The following STYK1 variants were observed in gnomAD, a reference collection of about 807,000 sequenced individuals.
STYK1 encodes tyrosine-protein kinase STYK1.
In STYK1, 46 loss-of-function variants were observed where a neutral mutation model predicts 48.1. The ratio of observed to expected loss-of-function variants is 0.96; its 90% confidence interval spans 0.75 to 1.22. The LOEUF (loss-of-function observed/expected upper bound fraction) is 1.22. Among genes scored for constraint, STYK1 ranks in the 50% most tolerant of loss-of-function variants. The pLI is 0.00. For synonymous variants in STYK1, 188 were observed against 189.0 expected, an observed-to-expected ratio of 0.99 and a Z score of 0.04; for missense variants, 527 against 521.1, an observed-to-expected ratio of 1.01 and a Z score of -0.11.
At chr12:10,652,370 A>G (rs1947671107) in intron 1 of STYK1, among the ~76,000 whole-genome samples, 1 of 152,216 alleles carries the variant, frequency 6.6e-6, no homozygotes, top group Admixed American at 6.5e-5. Flanking sequence ...AATCTGTAAA[A>G]TAACGGGTCA....
In STYK1 at chr12:10,624,759, G is replaced by A. The variant is rs1172518849; in HGVS notation, c.818C>T (p.Ala273Val). Residue 273 changes from alanine (A) to valine (V), a missense_variant, in exon 8 of 11, where the codon GCT becomes GTT. Physicochemically the swap from Ala to Val is moderately conservative, Grantham distance 64. Coordinates refer to ENST00000075503, the MANE Select transcript of STYK1 (RefSeq NM_018423.3). The part of the protein sequence containing the change: ...LTAKLCGLGL[A>V]YEVYTRGAIS... Reference sequence around the variant, plus strand: ...GGCCCCTCGGGTGTAAACTTCATAAGCCAGGCCTAATCCACAGAGCTTAGC... The same window carrying A: ...GGCCCCTCGGGTGTAAACTTCATAAACCAGGCCTAATCCACAGAGCTTAGC... 2.5e-6 allele frequency: 4 copies of A among 1,614,004 alleles called. No homozygotes were observed. The highest frequency in any genetic ancestry group is 1.7e-5 in the Admixed American group (1 of 60,000).
chr12:10,643,754 G>T (rs1278267192), intron 1 of STYK1, among the ~76,000 whole-genome samples: 1 of 152,192 alleles, frequency 6.6e-6, no homozygotes, highest in Admixed American at 6.5e-5. Flanking sequence ...GAATATCCAG[G>T]CCTTGGATGG....
chr12:10,650,597 A>C (rs761081946), intron 1 of STYK1, among the ~76,000 whole-genome samples: 26 of 152,200 alleles, frequency 1.7e-4, no homozygotes, highest in Non-Finnish European at 3.4e-4. Context: ...GCATTAGCAT[A>C]AATGTAGCTA....
intron 9 of STYK1, 79 bp from the exon 10 acceptor site, chr12:10,622,051 G>T (rs140341938): frequency 1.1e-5 from 15 of 1,340,578 alleles, no homozygotes; most frequent in Non-Finnish European, 1.6e-5. Flanking sequence ...CATCCACTTG[G>T]GTTGGTTGCT....
At chr12:10,638,461 C>T (rs1283855381) in intron 1 of STYK1, among the ~76,000 whole-genome samples, 3 of 152,160 alleles carry the variant, frequency 2.0e-5, no homozygotes, top group African/African-American at 7.2e-5. Flanking sequence ...TAAATCTTTA[C>T]AAGACTATAG....
intron 5 of STYK1, 99 bp from the exon 6 acceptor site, chr12:10,629,773 C>T (rs185569795): frequency 1.4e-6 from 2 of 1,395,214 alleles, no homozygotes; most frequent in Non-Finnish European, 2.0e-6. Context: ...ATTCTCAAGG[C>T]CCCACATGGG....
chr12:10,621,916 T>A lies in STYK1; in HGVS notation c.1024A>T (p.Arg342Trp). ...PTSILEHLQRRKIMKRPSSCT... is the reference protein window; with the variant it reads ...PTSILEHLQRWKIMKRPSSCT... The stretch of plus-strand genomic sequence containing the variant: ...CTACTGGGTCTCTTCATGATTTTCC[T>A]TCTTTGGAGATGCTCTAGGATGCTG... Residue 342 changes from arginine (R) to tryptophan (W), a missense_variant, in exon 10 of 11, where the codon AGG (arginine) becomes TGG (tryptophan). Transcript: ENST00000075503. 6.2e-7 allele frequency: 1 copy of A among 1,613,940 alleles called. No individual in the cohort carries two copies. The highest frequency in any genetic ancestry group is 1.7e-4 in the Middle Eastern group (1 of 6,060).
intron 10 of STYK1, 137 bp downstream of exon 10, chr12:10,621,739 A>G (rs1865909479): frequency 4.6e-6 from 3 of 652,456 alleles, no homozygotes; most frequent in Middle Eastern, 6.4e-4. Context: ...ATTTTACTGC[A>G]TGGGTTTGGT....
intron 1 of STYK1, among the ~76,000 whole-genome samples, chr12:10,640,355 G>A (rs555455711): frequency 1.3e-5 from 2 of 152,154 alleles, no homozygotes; most frequent in Non-Finnish European, 2.9e-5. Context: ...ACACTGGAGA[G>A]GTGATTCTTT....
At chr12:10,647,531 C>G (rs1947613690) in intron 1 of STYK1, among the ~76,000 whole-genome samples, 1 of 152,164 alleles carries the variant, frequency 6.6e-6, no homozygotes, top group African/African-American at 2.4e-5. Context: ...AAGTGACTTG[C>G]TTTGTCTCAG....
intron 1 of STYK1, among the ~76,000 whole-genome samples, chr12:10,647,715 C>A (rs1406889749): frequency 1.1e-4 from 16 of 152,094 alleles, no homozygotes; most frequent in Admixed American, 9.8e-4. Flanking sequence ...CTTGAATTCC[C>A]ATGTGTTGTG....
Position 10,629,076 on chromosome 12 carries a change from C to G in STYK1, c.633+417G>C, listed in dbSNP as rs150319280. On this transcript the variant is annotated intron_variant, in intron 6 of 10. Coordinates refer to ENST00000075503, the MANE Select transcript of STYK1 (RefSeq NM_018423.3). ...AATTATTACTCCCATTTTACAGATT[C>G]AGAAAACTCAGGATCAGAAAGGTGA... Among the ~76,000 whole-genome samples, 99 of 152,180 alleles carry G rather than the reference C, an allele frequency of 6.5e-4. 2 individuals carry two copies. In the East Asian group the frequency reaches 0.017, roughly 26 times the overall value.
chr12:10,635,442 A>C (rs1397887166), intron 2 of STYK1, among the ~76,000 whole-genome samples: 1 of 152,216 alleles, frequency 6.6e-6, no homozygotes, highest in African/African-American at 2.4e-5. Context: ...TATCAATAAA[A>C]ACTATTTAAT....
chr12:10,619,775 C>T lies in STYK1; in HGVS notation c.*369G>A. 1 of 392,954 alleles carries T rather than the reference C, an allele frequency of 2.5e-6. No homozygotes were observed. Among genetic ancestry groups the T allele is most frequent in the South Asian group, 1.1e-4 (1 of 9,302 alleles). 24.3% of individuals were successfully genotyped at this position (392,954 alleles called of 1,614,324 possible). On this transcript the variant is annotated 3_prime_UTR_variant, in exon 11 of 11. Transcript: ENST00000075503. ...GGATTTCTATTCCTTCATTTCATTC[C>T]AAATTTTCATCTAGATAAAAATGTG...
Position 10,672,931 on chromosome 12 carries a change from G to A in STYK1, c.-195+1035C>T, listed in dbSNP as rs1353495846. 3.3e-5 allele frequency among the ~76,000 whole-genome samples: 5 copies of A among 152,160 alleles called. No homozygotes were observed. Among genetic ancestry groups the A allele is most frequent in the Non-Finnish European group, 7.4e-5 (5 of 68,024 alleles). ...TTGAGGGGGAAAAACCAGGTAGACA[G>A]CACAGAGTTCTGTTTCCAGGTGTAT... On this transcript the variant is annotated intron_variant, in intron 1 of 10. Transcript: ENST00000075503. The surrounding 1 kb of genome is among the most constrained non-coding windows in gnomAD (Gnocchi z 4.0).
chr12:10,622,488 A>G, intron 9 of STYK1, 150 bp downstream of exon 9: 1 of 782,222 alleles, frequency 1.3e-6, no homozygotes, highest in Non-Finnish European at 2.0e-6. Context: ...TATGACTATC[A>G]CGGGAATCAG....
At chr12:10,664,263 A>T (rs762716710) in intron 1 of STYK1, among the ~76,000 whole-genome samples, 6 of 152,180 alleles carry the variant, frequency 3.9e-5, no homozygotes, top group Non-Finnish European at 8.8e-5. Context: ...TCAGGTTGTC[A>T]TGAATTGCAG....
At chr12:10,653,514 G>A (rs778513477) in intron 1 of STYK1, among the ~76,000 whole-genome samples, 3 of 152,172 alleles carry the variant, frequency 2.0e-5, no homozygotes, top group Non-Finnish European at 4.4e-5. Context: ...ATTTACATAT[G>A]AGAATTCAGA....
chr12:10,654,059 A>G (rs1947691293), intron 1 of STYK1, among the ~76,000 whole-genome samples: 1 of 152,088 alleles, frequency 6.6e-6, no homozygotes. Context: ...CATGAAAGTG[A>G]CCTCTGGTCA....
Sources: gnomAD v4.1 joint callset for allele counts (sites outside exome capture counted in the v4.1 genomes callset) on GRCh38, gnomAD v4.1.1 for gene constraint, Gnocchi (gnomAD v3.1) non-coding constraint, MANE v1.5 for transcripts, NCBI Gene and HGNC (gene_info 2026-07-23, HGNC 2026-07-21) for gene names.